The following MAP3K13 variants were observed in gnomAD, a reference collection of about 807,000 sequenced individuals.
MAP3K13 encodes leucine zipper-bearing kinase.
A neutral mutation model predicts 104.0 loss-of-function variants in MAP3K13; 52 were observed. That is an observed-to-expected ratio of 0.50 (90% CI 0.40 to 0.63). MAP3K13 has a LOEUF of 0.63. Among genes scored for constraint, MAP3K13 ranks in the 20% least tolerant of loss-of-function variants. MAP3K13 has a pLI of 0.00. For synonymous variants in MAP3K13, 394 were observed against 442.2 expected, an observed-to-expected ratio of 0.89 and a Z score of 1.37; for missense variants, 914 against 1,218.5, an observed-to-expected ratio of 0.75 and a Z score of 3.72.
upstream of MAP3K13, among the ~76,000 whole-genome samples, chr3:185,359,312 C>A (rs1723507346): frequency 1.3e-5 from 2 of 152,140 alleles, no homozygotes; most frequent in South Asian, 4.1e-4. Context: ...CCCCATGATT[C>A]AATTACCCCC....
In MAP3K13 at chr3:185,406,793, T is replaced by G. The variant is rs574026819; in HGVS notation, c.-85-21704T>G. ...CTTATTTTCATATTTTAAATTTTGG[T>G]GCTCAATTCATTTTCGTCTTCTGAG... On this transcript the variant is annotated intron_variant, in intron 1 of 13. Transcript: ENST00000265026. Among the ~76,000 whole-genome samples, 422 of 152,358 alleles carry G rather than the reference T, an allele frequency of 2.8e-3. 1 individual carries two copies. Among genetic ancestry groups the G allele is most frequent in the African/African-American group, 9.9e-3 (410 of 41,580 alleles).
chr3:185,448,379 A>AAAC (rs1455826530), intron 5 of MAP3K13, among the ~76,000 whole-genome samples: 2 of 152,132 alleles, frequency 1.3e-5, no homozygotes, highest in Non-Finnish European at 2.9e-5. Flanking sequence ...TTCTCTAGAC[A>AAAC]TGTTTGAGAT....
At chr3:185,472,565 T>C (rs926917311) in intron 10 of MAP3K13, among the ~76,000 whole-genome samples, 2 of 152,170 alleles carry the variant, frequency 1.3e-5, no homozygotes, top group African/African-American at 4.8e-5. Context: ...TTTGGGACGT[T>C]GTTCCATAAA....
At chr3:185,344,882 A>AT (rs1722858379) in intron 2 of MAP3K13, among the ~76,000 whole-genome samples, 2 of 137,482 alleles carry the variant, frequency 1.5e-5, no homozygotes, top group African/African-American at 6.4e-5. Context: ...CTAATCTCAT[A>AT]ATTTATTTTT....
At chr3:185,421,741 C>A (rs1358212159) in intron 1 of MAP3K13, among the ~76,000 whole-genome samples, 3 of 152,092 alleles carry the variant, frequency 2.0e-5, no homozygotes, top group African/African-American at 7.2e-5. Flanking sequence ...CAGAAGACAG[C>A]CAGAGATAGT....
At chr3:185,448,164 AC>A in intron 5 of MAP3K13, 2 of 686,340 alleles carry the variant, frequency 2.9e-6, no homozygotes, top group Non-Finnish European at 5.3e-6. Context: ...TCAGTAAGTC[AC>A]CAGTTTGGGG....
chr3:185,346,042 A>C (rs1722909053), intron 2 of MAP3K13, among the ~76,000 whole-genome samples: 1 of 152,218 alleles, frequency 6.6e-6, no homozygotes, highest in South Asian at 2.1e-4. Flanking sequence ...TTTAAAATCT[A>C]TTCTAGCAAT....
At chr3:185,378,003 G>C (rs533745883) in intron 1 of MAP3K13, among the ~76,000 whole-genome samples, 3 of 152,120 alleles carry the variant, frequency 2.0e-5, no homozygotes, top group East Asian at 1.9e-4. Flanking sequence ...CAAGCTCCTG[G>C]GGTGGGGGGA....
chr3:185,295,693 A>AT (rs56175541), intron 2 of MAP3K13, among the ~76,000 whole-genome samples: 2 of 151,930 alleles, frequency 1.3e-5, no homozygotes, highest in East Asian at 1.9e-4. Flanking sequence ...TAAATCACCC[A>AT]TTTTTTTCTC....
At chr3:185,360,818 C>CTTTTTTTTTTTTTTTT, upstream of MAP3K13, among the ~76,000 whole-genome samples, 1 of 78,092 alleles carries the variant, frequency 1.3e-5, no homozygotes, top group Non-Finnish European at 2.4e-5. Context: ...ACAGCTTTAG[C>CTTTTTTTTTTTTTTTT]TTTTTTTTTT....
intron 2 of MAP3K13, among the ~76,000 whole-genome samples, chr3:185,327,370 T>C (rs1193837838): frequency 1.3e-5 from 2 of 152,166 alleles, no homozygotes; most frequent in African/African-American, 4.8e-5. Flanking sequence ...CCATGGAAGG[T>C]AACATATTCA....
chr3:185,299,268 G>A (rs549755163), intron 2 of MAP3K13, among the ~76,000 whole-genome samples: 1 of 152,318 alleles, frequency 6.6e-6, no homozygotes, highest in African/African-American at 2.4e-5. Context: ...AGCATAGGAG[G>A]AAGAGAAGGC....
At chr3:185,373,808 T>C (rs1724279068) in intron 1 of MAP3K13, among the ~76,000 whole-genome samples, 2 of 149,392 alleles carry the variant, frequency 1.3e-5, no homozygotes, top group South Asian at 4.3e-4. Flanking sequence ...AGCCTGGTCC[T>C]ATACAGTGAA....
At chr3:185,422,631 T>A (rs192635377) in intron 1 of MAP3K13, among the ~76,000 whole-genome samples, 1 of 152,354 alleles carries the variant, frequency 6.6e-6, no homozygotes, top group Admixed American at 6.5e-5. Flanking sequence ...AGTAGAAATT[T>A]ACGAGGAATT....
chr3:185,413,410 G>A (rs980154239), intron 1 of MAP3K13, among the ~76,000 whole-genome samples: 1 of 152,062 alleles, frequency 6.6e-6, no homozygotes, highest in Non-Finnish European at 1.5e-5. Flanking sequence ...TACCTAAAAT[G>A]GACTAGTACA....
At chr3:185,335,290 A>G (rs1257455847) in intron 2 of MAP3K13, among the ~76,000 whole-genome samples, 2 of 152,192 alleles carry the variant, frequency 1.3e-5, no homozygotes, top group African/African-American at 2.4e-5. Context: ...TCCTCAAAAT[A>G]TAGTATTTTT....
At chr3:185,446,550 C>T (rs1428216038) in intron 4 of MAP3K13, among the ~76,000 whole-genome samples, 1 of 152,136 alleles carries the variant, frequency 6.6e-6, no homozygotes, top group Non-Finnish European at 1.5e-5. Context: ...AATTTGGTAC[C>T]GGATTGTATT....
intron 7 of MAP3K13, among the ~76,000 whole-genome samples, chr3:185,462,700 G>C (rs1717179346): frequency 6.6e-6 from 1 of 152,180 alleles, no homozygotes. Context: ...TTGAACCCGG[G>C]AGACAGAGGC....
chr3:185,461,278 C>T (rs1213103682), intron 7 of MAP3K13, among the ~76,000 whole-genome samples: 1 of 152,188 alleles, frequency 6.6e-6, no homozygotes, highest in African/African-American at 2.4e-5. Context: ...TTTCTAATGG[C>T]ATTGTTGGAT....
Sources: allele counts gnomAD v4.1 joint callset (sites outside exome capture counted in the v4.1 genomes callset), GRCh38; gene constraint gnomAD v4.1.1; transcripts MANE v1.5; gene names NCBI Gene and HGNC (gene_info 2026-07-23, HGNC 2026-07-21).